Variants in MEIG1 observed in about 807,000 individuals in gnomAD.
The protein encoded by MEIG1 is meiosis/spermiogenesis associated 1, also known as meiosis expressed gene 1 protein homolog.
In MEIG1, 12 loss-of-function variants were observed where a neutral mutation model predicts 11.3. That is an observed-to-expected ratio of 1.07 (90% CI 0.68 to 1.73). MEIG1 has a LOEUF of 1.73. Ranked by LOEUF, MEIG1 falls within the 40% of genes most tolerant of loss-of-function variation. The probability of loss-of-function intolerance (pLI) is 0.00; values close to 1 mark genes in which losing one functional copy is unlikely to be tolerated. For missense variants in MEIG1, 119 were observed against 104.9 expected (o/e 1.13, Z -0.59); for synonymous variants, 41 against 33.2 (o/e 1.24, Z -0.81).
chr10:14,966,684 G>T, intron 2 of MEIG1, 78 bp downstream of exon 2: 1 of 1,322,590 alleles, frequency 7.6e-7, no homozygotes. Flanking sequence ...AACAACCAGA[G>T]AATAACTGAA....
At chr10:14,982,586 A>C (rs538260207) in intron 1 of MEIG1, among the ~76,000 whole-genome samples, 23 of 148,918 alleles carry the variant, frequency 1.5e-4, no homozygotes, top group Non-Finnish European at 2.4e-4. Flanking sequence ...GGGCTGGTAC[A>C]CAAAAACAGC....
intron 1 of MEIG1, among the ~76,000 whole-genome samples, chr10:14,959,974 A>G (rs1218527948): frequency 6.6e-6 from 1 of 152,232 alleles, no homozygotes; most frequent in Non-Finnish European, 1.5e-5. Flanking sequence ...GTTAGCTGTG[A>G]GGGCCGGAAG....
downstream of MEIG1, among the ~76,000 whole-genome samples, chr10:14,973,562 A>T (rs1175016191): frequency 6.6e-6 from 1 of 152,002 alleles, no homozygotes; most frequent in African/African-American, 2.4e-5. Context: ...GAGGTCAGGA[A>T]ATCAAGACCA....
At chr10:14,984,563 G>C (rs1176630113) in intron 1 of MEIG1, among the ~76,000 whole-genome samples, 1 of 151,928 alleles carries the variant, frequency 6.6e-6, no homozygotes. Flanking sequence ...TGTCACACGG[G>C]GAAGTTTCCC....
chr10:14,957,816 T>C (rs556951948), upstream of MEIG1, among the ~76,000 whole-genome samples: 1 of 152,196 alleles, frequency 6.6e-6, no homozygotes, highest in South Asian at 2.1e-4. Context: ...CAGCTAGTTC[T>C]TTTGTATTTT....
At chr10:14,985,832 A>G (rs1342983373) in intron 1 of MEIG1, among the ~76,000 whole-genome samples, 1 of 152,050 alleles carries the variant, frequency 6.6e-6, no homozygotes, top group Admixed American at 6.5e-5. Flanking sequence ...ATGTACACAC[A>G]TAGTGTATAC....
chr10:14,983,654 A>G (rs1228316706), intron 1 of MEIG1, among the ~76,000 whole-genome samples: 1 of 151,942 alleles, frequency 6.6e-6, no homozygotes, highest in Non-Finnish European at 1.5e-5. Flanking sequence ...TATCCAGAAG[A>G]AGAGAAGATG....
exon 3 of MEIG1, chr10:14,988,037 T>G (rs1474027359): frequency 6.6e-5 from 10 of 152,590 alleles, no homozygotes; most frequent in Admixed American, 3.9e-4. Context: ...TAAAAGTACA[T>G]GCACACTTAA....
downstream of MEIG1, among the ~76,000 whole-genome samples, chr10:14,974,661 T>G (rs1843191730): frequency 6.6e-6 from 1 of 152,102 alleles, no homozygotes; most frequent in East Asian, 1.9e-4. Context: ...ATCATATAAT[T>G]CTTAAAATCA....
chr10:14,966,622 C>T lies in MEIG1; in HGVS notation c.138+16C>T. The T allele has an allele frequency of 6.3e-7, 1 of 1,598,842 alleles. No homozygotes were observed. Among genetic ancestry groups the T allele is most frequent in the Non-Finnish European group, 8.5e-7 (1 of 1,174,662 alleles). Reference sequence around the variant, plus strand: ...AGTTTCTATGGTAAGATTTCTGTCTCTACAAACCTCAACTCGAAATGTATT... The same window carrying T: ...AGTTTCTATGGTAAGATTTCTGTCTTTACAAACCTCAACTCGAAATGTATT... On this transcript the variant is annotated intron_variant, in intron 2 of 2. Coordinates refer to ENST00000407572, the MANE Select transcript of MEIG1 (RefSeq NM_001080836.3).
intron 1 of MEIG1, among the ~76,000 whole-genome samples, chr10:14,980,846 A>T (rs1210632200): frequency 3.3e-5 from 5 of 152,144 alleles, no homozygotes; most frequent in Non-Finnish European, 5.9e-5. Context: ...CTAATCTGAT[A>T]GGAAAGAAAG....
At chr10:14,966,884 C>T (rs1843090889) in intron 2 of MEIG1, among the ~76,000 whole-genome samples, 1 of 152,136 alleles carries the variant, frequency 6.6e-6, no homozygotes. Context: ...CAGGCGTGCA[C>T]CACCACGCCT....
At chr10:14,984,199 G>T (rs1234170602) in intron 1 of MEIG1, among the ~76,000 whole-genome samples, 2 of 151,230 alleles carry the variant, frequency 1.3e-5, no homozygotes, top group South Asian at 4.2e-4. Context: ...ATTACTCCCC[G>T]CATCGTGGGG....
chr10:14,984,955 T>C (rs1267101064), intron 1 of MEIG1, among the ~76,000 whole-genome samples: 3 of 152,128 alleles, frequency 2.0e-5, no homozygotes, highest in Non-Finnish European at 4.4e-5. Flanking sequence ...GACCCTGTCA[T>C]GAAATTCCTA....
Position 14,972,722 on chromosome 10 carries a change from A to G in MEIG1, c.*81A>G. The G allele has an allele frequency of 7.6e-7, 1 of 1,313,956 alleles. No homozygotes were observed. Among genetic ancestry groups the G allele is most frequent in the Non-Finnish European group, 1.0e-6 (1 of 975,740 alleles). The allele number at this position is 1,313,956 out of a possible 1,614,324, so 81.4% of individuals were successfully genotyped here. On this transcript the variant is annotated 3_prime_UTR_variant, in exon 3 of 3. Transcript: ENST00000407572. Reference sequence around the variant, plus strand: ...TACATCATGTGTTTGTCATTTGATGAAATAATTCAAGATGCAGTCTGCAGT... The same window carrying G: ...TACATCATGTGTTTGTCATTTGATGGAATAATTCAAGATGCAGTCTGCAGT...
At chr10:14,955,707 A>C (rs1456643266), upstream of MEIG1, among the ~76,000 whole-genome samples, 1 of 152,196 alleles carries the variant, frequency 6.6e-6, no homozygotes, top group African/African-American at 2.4e-5. Context: ...CAAAAAAACA[A>C]AACAAAACAG....
At chr10:14,965,149 T>C (rs1198370893) in intron 1 of MEIG1, among the ~76,000 whole-genome samples, 1 of 152,164 alleles carries the variant, frequency 6.6e-6, no homozygotes, top group Non-Finnish European at 1.5e-5. Context: ...GTTATTGTGA[T>C]TGAAAAAAAT....
chr10:14,987,757 A>G (rs1331130937), intron 2 of MEIG1: 1 of 194,692 alleles, frequency 5.1e-6, no homozygotes, highest in African/African-American at 2.4e-5. Flanking sequence ...GAAAAAACAC[A>G]ATGCAATGAA....
At chr10:14,973,110 C>T (rs1843170999), downstream of MEIG1, among the ~76,000 whole-genome samples, 1 of 152,100 alleles carries the variant, frequency 6.6e-6, no homozygotes, top group Non-Finnish European at 1.5e-5. Flanking sequence ...AAGTGATCTG[C>T]CCGCCTCAGC....
Sources: allele counts gnomAD v4.1 joint callset (sites outside exome capture counted in the v4.1 genomes callset), GRCh38; gene constraint gnomAD v4.1.1; transcripts MANE v1.5; gene names NCBI Gene and HGNC (gene_info 2026-07-23, HGNC 2026-07-21).